PTPRD: variants seen among roughly 807,000 people sequenced by gnomAD.
PTPRD encodes the protein protein tyrosine phosphatase receptor type D, also known as receptor-type tyrosine-protein phosphatase delta.
In PTPRD, 34 loss-of-function variants were observed where a neutral mutation model predicts 214.5. The observed-to-expected ratio is 0.16, with a 90% CI of 0.12 to 0.21. The LOEUF is 0.21. Ranked by LOEUF, PTPRD falls within the 10% of genes least tolerant of loss-of-function variation. PTPRD has a pLI of 1.00. For missense variants in PTPRD, 2,545 were observed against 2,398.7 expected (o/e 1.06, Z -1.27); for synonymous variants, 1,128 against 845.7 (o/e 1.33, Z -5.79).
intron 3 of PTPRD, among the ~76,000 whole-genome samples, chr9:10,136,735 A>G (rs2098947184): frequency 1.2e-5 from 1 of 80,232 alleles, no homozygotes; most frequent in African/African-American, 5.5e-5. Context: ...CTGCACAGCA[A>G]AAGAAACTAC....
rs145736678 is a variant in PTPRD at position 8,442,189 on chromosome 9, A to C, written c.3989-5500T>G. Among the ~76,000 whole-genome samples the C allele has an allele frequency of 1.6e-4, 24 of 152,342 alleles. No homozygotes were observed. In the East Asian group the frequency reaches 4.4e-3, roughly 28 times the overall value. Reference sequence around the variant, plus strand: ...ATTAATTTAAAATGTTAAAAACTGGAATGCTATTTGGCAGAATATTTCTTA... The same window carrying C: ...ATTAATTTAAAATGTTAAAAACTGGCATGCTATTTGGCAGAATATTTCTTA... On this transcript the variant is annotated intron_variant, in intron 34 of 45. Transcript: ENST00000381196.
rs75326224 is a variant in PTPRD at position 8,669,335 on chromosome 9, G to A, written c.65-32491C>T. 1.3e-3 allele frequency among the ~76,000 whole-genome samples: 191 copies of A among 152,230 alleles called. 1 individual carries two copies. The highest frequency in any genetic ancestry group is 4.4e-3 in the African/African-American group (181 of 41,540). ...TCTTACCATGTATCTCCTGAAGGCT[G>A]GGGTAGACCTGAGCAGAGAGACTGG... is the stretch of plus-strand genomic sequence containing the variant. On this transcript the variant is annotated intron_variant, in intron 12 of 45. Transcript: ENST00000381196.
intron 3 of PTPRD, among the ~76,000 whole-genome samples, chr9:10,259,115 C>CG (rs1196794009): frequency 6.6e-6 from 1 of 152,028 alleles, no homozygotes; most frequent in African/African-American, 2.4e-5. Context: ...CTCCACCTCC[C>CG]GGGTTCACAC....
intron 5 of PTPRD, among the ~76,000 whole-genome samples, chr9:9,911,793 T>A: frequency 6.6e-6 from 1 of 152,168 alleles, no homozygotes; most frequent in Admixed American, 6.5e-5. Flanking sequence ...TAAGAGAAAA[T>A]GTTAATAAAA....
At chr9:9,435,305 G>A (rs2084782482) in intron 8 of PTPRD, among the ~76,000 whole-genome samples, 1 of 151,986 alleles carries the variant, frequency 6.6e-6, no homozygotes, top group South Asian at 2.1e-4. Flanking sequence ...GAAGCCAGGA[G>A]TTTGAGACAA....
At chr9:10,303,588 C>A (rs2095943706) in intron 3 of PTPRD, among the ~76,000 whole-genome samples, 1 of 152,144 alleles carries the variant, frequency 6.6e-6, no homozygotes, top group South Asian at 2.1e-4. Flanking sequence ...GATATCACCA[C>A]TGATCCTACA....
chr9:9,940,659 C>A (rs967733768), intron 4 of PTPRD, among the ~76,000 whole-genome samples: 4 of 152,100 alleles, frequency 2.6e-5, no homozygotes, highest in Middle Eastern at 3.2e-3. Flanking sequence ...GTCAACAGCT[C>A]TCCTGTTGAA....
chr9:9,757,478 G>C (rs561035613), intron 6 of PTPRD, among the ~76,000 whole-genome samples: 1 of 152,122 alleles, frequency 6.6e-6, no homozygotes, highest in East Asian at 1.9e-4. Flanking sequence ...TATCATTTTT[G>C]TTCAGTTATT....
At chr9:10,297,473 T>C (rs2095713874) in intron 3 of PTPRD, among the ~76,000 whole-genome samples, 1 of 151,990 alleles carries the variant, frequency 6.6e-6, no homozygotes, top group Admixed American at 6.6e-5. Context: ...GCCTGGGTTT[T>C]TCTTCCAGCA....
chr9:9,866,545 T>G (rs2063995780), intron 5 of PTPRD, among the ~76,000 whole-genome samples: 1 of 152,074 alleles, frequency 6.6e-6, no homozygotes, highest in South Asian at 2.1e-4. Context: ...ATAAGATTAG[T>G]TATATACATA....
chr9:8,850,951 A>G (rs2097796623), intron 11 of PTPRD, among the ~76,000 whole-genome samples: 1 of 152,210 alleles, frequency 6.6e-6, no homozygotes, highest in Non-Finnish European at 1.5e-5. Flanking sequence ...GTTGACCTAT[A>G]AGCAGACACT....
chr9:9,559,695 C>G (rs550482720), intron 8 of PTPRD, among the ~76,000 whole-genome samples: 80 of 152,334 alleles, frequency 5.3e-4, no homozygotes, highest in African/African-American at 1.9e-3. Context: ...CACTGTTGCC[C>G]TCCCATGAAG....
chr9:9,415,020 A>G (rs2076582236), intron 8 of PTPRD, among the ~76,000 whole-genome samples: 1 of 152,216 alleles, frequency 6.6e-6, no homozygotes, highest in South Asian at 2.1e-4. Context: ...TTTTAACGAG[A>G]GGACTGCATT....
At chr9:9,674,967 C>A (rs553539323) in intron 7 of PTPRD, among the ~76,000 whole-genome samples, 2 of 151,706 alleles carry the variant, frequency 1.3e-5, no homozygotes, top group East Asian at 3.9e-4. Context: ...AAATAACAAG[C>A]CTGATTATTG....
chr9:9,347,287 A>G (rs2049215271), intron 9 of PTPRD, among the ~76,000 whole-genome samples: 1 of 150,734 alleles, frequency 6.6e-6, no homozygotes, highest in South Asian at 2.1e-4. Flanking sequence ...TACTTTCTAT[A>G]CTTCAGAGGA....
chr9:8,729,995 G>A (rs1357196007), intron 12 of PTPRD, among the ~76,000 whole-genome samples: 1 of 152,104 alleles, frequency 6.6e-6, no homozygotes, highest in Non-Finnish European at 1.5e-5. Context: ...GGTGGCTCAC[G>A]CCTGTAATCC....
At chr9:10,205,942 A>G (rs908473769) in intron 3 of PTPRD, among the ~76,000 whole-genome samples, 1 of 152,002 alleles carries the variant, frequency 6.6e-6, no homozygotes, top group Non-Finnish European at 1.5e-5. Context: ...GAAAGCAAAG[A>G]CGAATCAGAT....
chr9:9,940,848 T>C (rs1229650460), intron 4 of PTPRD, among the ~76,000 whole-genome samples: 1 of 152,130 alleles, frequency 6.6e-6, no homozygotes, highest in Non-Finnish European at 1.5e-5. Context: ...CTCTTGCTCA[T>C]ATTTTACAAT....
intron 5 of PTPRD, among the ~76,000 whole-genome samples, chr9:9,913,537 G>T (rs929513198): frequency 6.6e-6 from 1 of 152,066 alleles, no homozygotes; most frequent in Non-Finnish European, 1.5e-5. Flanking sequence ...AAAGGGGAGT[G>T]GAGATGCACC....
Sources: allele counts gnomAD v4.1 joint callset (sites outside exome capture counted in the v4.1 genomes callset), GRCh38; gene constraint gnomAD v4.1.1; transcripts MANE v1.5; gene names NCBI Gene and HGNC (gene_info 2026-07-23, HGNC 2026-07-21).